Variants in DCAF7 observed in about 807,000 individuals in gnomAD.
The protein encoded by DCAF7 is DDB1 and CUL4 associated factor 7.
Under a neutral mutation model 41.2 loss-of-function variants are expected in DCAF7, and 4 were observed. The observed-to-expected ratio is 0.10, with a 90% confidence interval of 0.05 to 0.22. The LOEUF (loss-of-function observed/expected upper bound fraction) is 0.22, where lower values mean the gene tolerates loss of function less well. Among genes scored for constraint, DCAF7 ranks in the 10% least tolerant of loss-of-function variants. The pLI is 1.00. For synonymous variants in DCAF7, 143 were observed against 164.2 expected (o/e 0.87, Z 0.99); for missense variants, 131 against 443.2 (o/e 0.30, Z 6.32).
intron 1 of DCAF7, among the ~76,000 whole-genome samples, chr17:63,576,520 A>G (rs2033563670): frequency 6.6e-6 from 1 of 152,226 alleles, no homozygotes; most frequent in Non-Finnish European, 1.5e-5. Flanking sequence ...ACTTGAAATG[A>G]CTCAGAGACC....
intron 1 of DCAF7, among the ~76,000 whole-genome samples, chr17:63,572,452 A>T: frequency 6.6e-6 from 1 of 152,148 alleles, no homozygotes; most frequent in East Asian, 1.9e-4. Flanking sequence ...ATGAAGGTGG[A>T]ATATAAGGTA....
intron 1 of DCAF7, among the ~76,000 whole-genome samples, chr17:63,553,275 A>G (rs1354591026): frequency 2.0e-5 from 3 of 151,880 alleles, no homozygotes; most frequent in African/African-American, 7.3e-5. Context: ...CTGTGGTGGG[A>G]AAAAAAAATT....
chr17:63,578,977 G>A (rs1013879418), intron 2 of DCAF7, among the ~76,000 whole-genome samples: 1 of 152,200 alleles, frequency 6.6e-6, no homozygotes, highest in East Asian at 1.9e-4. Flanking sequence ...TTCTGATAAA[G>A]TGTGTGAGTG....
intron 1 of DCAF7, among the ~76,000 whole-genome samples, chr17:63,571,609 G>T (rs913564926): frequency 2.0e-5 from 3 of 151,944 alleles, no homozygotes; most frequent in African/African-American, 4.8e-5. Flanking sequence ...ATTACGTCAG[G>T]ACTTGAATTT....
chr17:63,556,528 C>T (rs1462050163), intron 1 of DCAF7, among the ~76,000 whole-genome samples: 1 of 147,310 alleles, frequency 6.8e-6, no homozygotes, highest in East Asian at 2.0e-4. Flanking sequence ...GAGATTGTGC[C>T]ACTGCACTCC....
rs1204200475 is a variant in DCAF7, at chr17:63,592,442, T to G, written c.*3270T>G. 1 of 151,952 alleles carries G rather than the reference T, an allele frequency of 6.6e-6. No homozygotes were observed. The highest frequency in any genetic ancestry group is 1.5e-5 in the Non-Finnish European group (1 of 68,018). The allele number at this position is 151,952 out of a possible 1,614,324, so 9.4% of individuals were successfully genotyped here. A position where few individuals can be genotyped will look rare whatever the true frequency, so the allele number is the denominator to read the frequency against. On this transcript the variant is annotated 3_prime_UTR_variant, in exon 7 of 7. Coordinates refer to ENST00000614556, the MANE Select transcript of DCAF7 (RefSeq NM_005828.5). ...AAAAAAAAAAATAGGTGAAAATTCC[T>G]TATAAATCCAGGATTGGCTCTGAGA...
intron 1 of DCAF7, among the ~76,000 whole-genome samples, chr17:63,554,419 C>T (rs745980206): frequency 2.6e-4 from 39 of 152,260 alleles, no homozygotes; most frequent in Non-Finnish European, 2.4e-4. Context: ...CCAGATGGCA[C>T]TCTCAGAACA....
At chr17:63,574,085 C>G (rs1688759447) in intron 1 of DCAF7, among the ~76,000 whole-genome samples, 1 of 152,192 alleles carries the variant, frequency 6.6e-6, no homozygotes, top group South Asian at 2.1e-4. Flanking sequence ...ACGTGGCTCT[C>G]TCAAACAGGC....
chr17:63,576,908 T>C (rs772168067), intron 1 of DCAF7, among the ~76,000 whole-genome samples: 4 of 152,206 alleles, frequency 2.6e-5, no homozygotes, highest in African/African-American at 9.6e-5. Flanking sequence ...AGTGAGACCC[T>C]ATCTCAACAA....
intron 1 of DCAF7, among the ~76,000 whole-genome samples, chr17:63,553,300 G>C (rs2033277014): frequency 1.3e-5 from 2 of 152,200 alleles, no homozygotes. Flanking sequence ...TGCTGGCAAA[G>C]TCACAGACAG....
intron 6 of DCAF7, among the ~76,000 whole-genome samples, chr17:63,587,106 T>G (rs2033685449): frequency 2.0e-5 from 3 of 152,206 alleles, no homozygotes. Context: ...TTTCTTCTCC[T>G]CACTAATCAG....
At chr17:63,563,550 G>A (rs2147763849) in intron 1 of DCAF7, among the ~76,000 whole-genome samples, 1 of 152,276 alleles carries the variant, frequency 6.6e-6, no homozygotes, top group Non-Finnish European at 1.5e-5. Context: ...ATATAAATAA[G>A]TAGTGGTGGC....
chr17:63,590,777 G>A lies in DCAF7; in HGVS notation c.*1605G>A, dbSNP rs1016743297. On this transcript the variant is annotated 3_prime_UTR_variant, in exon 7 of 7. Coordinates refer to ENST00000614556, the MANE Select transcript of DCAF7 (RefSeq NM_005828.5). ...AAGGATGATGGTTTTGTCCTCTTTG[G>A]TTCTCACCTGCTTGAGAAGTAAAAC... 1 of 152,208 alleles carries A rather than the reference G, an allele frequency of 6.6e-6. No individual in the cohort carries two copies. The highest frequency in any genetic ancestry group is 2.4e-5 in the African/African-American group (1 of 41,416). The allele number at this position is 152,208 out of a possible 1,614,324, so 9.4% of individuals were successfully genotyped here.
intron 6 of DCAF7, among the ~76,000 whole-genome samples, chr17:63,586,848 CA>C (rs912024063): frequency 3.4e-4 from 52 of 152,164 alleles, no homozygotes; most frequent in African/African-American, 1.2e-3. Flanking sequence ...GAAAACAGTA[CA>C]GAAGCATATT....
chr17:63,577,276 C>T (rs2033572660), intron 1 of DCAF7, among the ~76,000 whole-genome samples: 1 of 152,142 alleles, frequency 6.6e-6, no homozygotes, highest in Non-Finnish European at 1.5e-5. Flanking sequence ...GCAACTATAC[C>T]TAACTTTGGG....
chr17:63,583,719 C>T lies in DCAF7; in HGVS notation c.738+8C>T, dbSNP rs1456846515. ...GCCATGGATGGAATGGAGGTGAGCA[C>T]TCCTCTCAGGCTACCATGGGCCCTG... On this transcript the variant is annotated splice_region_variant and intron_variant, in intron 5 of 6. Coordinates refer to ENST00000614556, the MANE Select transcript of DCAF7 (RefSeq NM_005828.5). The T allele has an allele frequency of 3.1e-6, 5 of 1,613,596 alleles. No individual in the cohort carries two copies. The highest frequency in any genetic ancestry group is 2.2e-5 in the South Asian group (2 of 91,068).
chr17:63,562,107 A>G (rs186978697), intron 1 of DCAF7, among the ~76,000 whole-genome samples: 2 of 152,320 alleles, frequency 1.3e-5, no homozygotes, highest in East Asian at 1.9e-4. Flanking sequence ...TGGAATTGAT[A>G]TAGCCAGAGA....
In DCAF7 at chr17:63,550,869, G is replaced by T. The variant is rs2033243077; in HGVS notation, c.138+54G>T. 6.3e-7 allele frequency: 1 copy of T among 1,581,190 alleles called. No homozygotes were observed. Among genetic ancestry groups the T allele is most frequent in the Admixed American group, 1.8e-5 (1 of 54,474 alleles). On this transcript the variant is annotated intron_variant, in intron 1 of 6. Transcript: ENST00000614556. This position sits in a 1 kb window ranked among gnomAD's most constrained non-coding sequence, Gnocchi z 4.8. ...CTGGCGGGGAGCGGGCCCCGGGAGCGCCCTTTCCGGGCCGGAGCCCAGGCC... is the reference window on the plus strand; with the variant it reads ...CTGGCGGGGAGCGGGCCCCGGGAGCTCCCTTTCCGGGCCGGAGCCCAGGCC...
intron 1 of DCAF7, among the ~76,000 whole-genome samples, chr17:63,559,399 G>GTA (rs10637228): frequency 0.31 from 27,189 of 86,800 alleles, 4,222 homozygotes; most frequent in Middle Eastern, 0.43. Context: ...ATATATATAT[G>GTA]TATATATATG....
Sources: gnomAD v4.1 joint callset for allele counts (sites outside exome capture counted in the v4.1 genomes callset) on GRCh38, gnomAD v4.1.1 for gene constraint, Gnocchi (gnomAD v3.1) non-coding constraint, MANE v1.5 for transcripts, NCBI Gene and HGNC (gene_info 2026-07-23, HGNC 2026-07-21) for gene names.